AUH: variants seen among roughly 807,000 people sequenced by gnomAD.
AUH encodes the protein AU RNA binding methylglutaconyl-CoA hydratase, also known as methylglutaconyl-CoA hydratase, mitochondrial.
AUH carries 29 observed loss-of-function variants against 42.3 expected under a neutral mutation model. The ratio of observed to expected loss-of-function variants is 0.69; its 90% confidence interval spans 0.51 to 0.93. The LOEUF is 0.93. Among genes scored for constraint, AUH ranks in the 40% least tolerant of loss-of-function variants. AUH has a pLI of 0.00. For synonymous variants in AUH, 174 were observed against 166.4 expected, an observed-to-expected ratio of 1.05 and a Z score of -0.35; for missense variants, 452 against 438.1, an observed-to-expected ratio of 1.03 and a Z score of -0.28.
chr9:91,322,535 T>A (rs931439468), intron 4 of AUH, among the ~76,000 whole-genome samples: 3 of 152,208 alleles, frequency 2.0e-5, no homozygotes, highest in African/African-American at 4.8e-5. Context: ...ACGTATTTTT[T>A]AAATTTTAAT....
rs12685599 is a variant in AUH at position 91,225,614 on chromosome 9, G to A, written c.656-4622C>T. Among the ~76,000 whole-genome samples, 108 of 151,588 alleles carry A rather than the reference G, an allele frequency of 7.1e-4. No individual in the cohort carries two copies. In the East Asian group the frequency reaches 0.02, roughly 28 times the overall value. ...CACATTGTGCAGGTTAGTTACATAT[G>A]TATGTATACATGTGCCATGCTGGTG... On this transcript the variant is annotated intron_variant, in intron 6 of 9. Transcript: ENST00000375731.
chr9:91,313,845 C>T (rs1403707591), intron 4 of AUH, among the ~76,000 whole-genome samples: 1 of 144,144 alleles, frequency 6.9e-6, no homozygotes, highest in Non-Finnish European at 1.5e-5. Context: ...TTTTTGAGAC[C>T]GAGTTTCACT....
chr9:91,279,100 A>C (rs1328176964), intron 6 of AUH, among the ~76,000 whole-genome samples: 1 of 152,112 alleles, frequency 6.6e-6, no homozygotes, highest in East Asian at 1.9e-4. Flanking sequence ...TGTGTAGTTT[A>C]TTGTACATCA....
chr9:91,216,287 C>T (rs531722264), intron 8 of AUH, among the ~76,000 whole-genome samples, 181 bp from the exon 9 acceptor site: 4 of 152,088 alleles, frequency 2.6e-5, no homozygotes, highest in Non-Finnish European at 5.9e-5. Context: ...GTCCTGACTC[C>T]CTCACTTGGG....
chr9:91,274,949 C>G (rs1352839069), intron 6 of AUH, among the ~76,000 whole-genome samples: 3 of 152,170 alleles, frequency 2.0e-5, no homozygotes, highest in Non-Finnish European at 4.4e-5. Flanking sequence ...GAACTAGTTG[C>G]TCCTAACCAC....
intron 6 of AUH, among the ~76,000 whole-genome samples, chr9:91,271,826 G>A (rs1168670424): frequency 3.9e-5 from 6 of 152,178 alleles, no homozygotes; most frequent in Admixed American, 2.0e-4. Context: ...TATTACAGGC[G>A]CCCGCCACCA....
intron 6 of AUH, among the ~76,000 whole-genome samples, chr9:91,267,811 C>T (rs1480449281): frequency 6.6e-6 from 1 of 152,084 alleles, no homozygotes; most frequent in African/African-American, 2.4e-5. Context: ...TTTCCTAGCC[C>T]CTTTTCTCTA....
intron 8 of AUH, among the ~76,000 whole-genome samples, 162 bp downstream of exon 8, chr9:91,217,115 A>C (rs1234995893): frequency 3.9e-5 from 6 of 152,216 alleles, no homozygotes; most frequent in Non-Finnish European, 7.3e-5. Flanking sequence ...GAATGAAATA[A>C]ATGACGTACT....
intron 4 of AUH, among the ~76,000 whole-genome samples, chr9:91,313,485 C>T (rs1333565783): frequency 6.6e-6 from 1 of 151,050 alleles, no homozygotes; most frequent in Non-Finnish European, 1.5e-5. Flanking sequence ...GCGGGTGGAT[C>T]ATGAGGTCAG....
intron 6 of AUH, among the ~76,000 whole-genome samples, chr9:91,227,717 A>T (rs1331486383): frequency 1.1e-4 from 17 of 150,874 alleles, no homozygotes; most frequent in Non-Finnish European, 1.8e-4. Flanking sequence ...ATTATTTTGA[A>T]ATATGTCCCA....
chr9:91,233,376 G>T (rs1307924364), intron 6 of AUH, among the ~76,000 whole-genome samples: 1 of 152,168 alleles, frequency 6.6e-6, no homozygotes, highest in African/African-American at 2.4e-5. Context: ...CAGTGTGGCT[G>T]AAGTGCACAG....
chr9:91,324,288 A>T (rs1420372247), intron 4 of AUH, among the ~76,000 whole-genome samples: 1 of 152,102 alleles, frequency 6.6e-6, no homozygotes, highest in Non-Finnish European at 1.5e-5. Context: ...GGATCGCTTG[A>T]GGCAGGAGTT....
chr9:91,304,377 G>C (rs533511198), intron 4 of AUH, among the ~76,000 whole-genome samples: 1 of 152,132 alleles, frequency 6.6e-6, no homozygotes, highest in African/African-American at 2.4e-5. Flanking sequence ...ATCAATCCTC[G>C]ATTTAGCTAA....
chr9:91,237,825 A>G (rs1828279898), intron 6 of AUH, among the ~76,000 whole-genome samples: 1 of 152,178 alleles, frequency 6.6e-6, no homozygotes, highest in South Asian at 2.1e-4. Context: ...GATTCCTTTT[A>G]GTGGAGCTAC....
At chr9:91,361,482 G>A (rs926626521) in intron 1 of AUH, 146 bp downstream of exon 1, 47 of 1,126,092 alleles carry the variant, frequency 4.2e-5, no homozygotes, top group Non-Finnish European at 5.0e-5. Context: ...TGGGTGAGTA[G>A]GGAGGTGAGA....
chr9:91,224,086 C>T (rs973176945), intron 6 of AUH, among the ~76,000 whole-genome samples: 3 of 152,100 alleles, frequency 2.0e-5, no homozygotes, highest in Non-Finnish European at 2.9e-5. Flanking sequence ...CAGCAGCAGC[C>T]GATTAAAGCC....
chr9:91,328,361 GA>G (rs1243287309), intron 3 of AUH, among the ~76,000 whole-genome samples: 1 of 152,208 alleles, frequency 6.6e-6, no homozygotes, highest in African/African-American at 2.4e-5. Flanking sequence ...ATTCCTCCAT[GA>G]AATACTGCAG....
chr9:91,227,861 A>G (rs374476824), intron 6 of AUH, among the ~76,000 whole-genome samples: 1 of 151,502 alleles, frequency 6.6e-6, no homozygotes, highest in African/African-American at 2.4e-5. Context: ...ACATTTATTG[A>G]TTTGCGTATA....
At chr9:91,216,248 T>C (rs1826813940) in intron 8 of AUH, 142 bp from the exon 9 acceptor site, 1 of 859,026 alleles carries the variant, frequency 1.2e-6, no homozygotes, top group East Asian at 2.6e-5. Context: ...GTGACCAACA[T>C]GAGACACAGA....
Sources: allele counts gnomAD v4.1 joint callset (sites outside exome capture counted in the v4.1 genomes callset), GRCh38; gene constraint gnomAD v4.1.1; transcripts MANE v1.5; gene names NCBI Gene and HGNC (gene_info 2026-07-23, HGNC 2026-07-21).